CHD9: variants seen among roughly 807,000 people sequenced by gnomAD.
CHD9 encodes chromodomain helicase DNA binding protein 9.
CHD9 carries 77 observed loss-of-function variants against 316.1 expected under a neutral mutation model. The observed-to-expected ratio is 0.24, with a 90% CI of 0.20 to 0.29. CHD9 has a LOEUF of 0.29. Among genes scored for constraint, CHD9 ranks in the 10% least tolerant of loss-of-function variants. The pLI, the probability that CHD9 is intolerant of heterozygous loss-of-function variation, is 1.00. For missense variants in CHD9, 2,763 were observed against 3,438.1 expected (o/e 0.80, Z 4.91); for synonymous variants, 1,129 against 1,158.3 (o/e 0.97, Z 0.51).
At chr16:53,208,694 A>G in intron 2 of CHD9, 4 of 989,340 alleles carry the variant, frequency 4.0e-6, no homozygotes, top group Non-Finnish European at 4.8e-6. Context: ...TGGTATAGTC[A>G]GAGGCATGTT....
chr16:53,196,628 A>G (rs1426010441), intron 2 of CHD9, among the ~76,000 whole-genome samples: 2 of 152,258 alleles, frequency 1.3e-5, no homozygotes, highest in African/African-American at 4.8e-5. Context: ...TAGATGACAT[A>G]GTAATGAGAA....
intron 15 of CHD9, 109 bp from the exon 16 acceptor site, chr16:53,247,184 A>G (rs2049710444): frequency 4.0e-6 from 3 of 751,030 alleles, no homozygotes; most frequent in Non-Finnish European, 6.5e-6. Flanking sequence ...TGCCATTAGA[A>G]AATTATGTTA....
intron 1 of CHD9, among the ~76,000 whole-genome samples, chr16:53,084,760 A>G (rs1043054916): frequency 2.0e-5 from 3 of 152,162 alleles, no homozygotes; most frequent in Admixed American, 6.5e-5. Flanking sequence ...AACAGCAACA[A>G]CAAAATCACA....
At chr16:53,104,471 AT>A (rs1480840520) in intron 1 of CHD9, among the ~76,000 whole-genome samples, 1 of 152,164 alleles carries the variant, frequency 6.6e-6, no homozygotes, top group African/African-American at 2.4e-5. Context: ...TTGTTAAATT[AT>A]TTTTTTATTT....
At chr16:53,112,390 G>A (rs894451192) in intron 1 of CHD9, among the ~76,000 whole-genome samples, 3 of 152,180 alleles carry the variant, frequency 2.0e-5, no homozygotes, top group African/African-American at 7.2e-5. Flanking sequence ...GTTTTTCAAT[G>A]TTATTCCTGG....
chr16:53,184,271 G>T (rs1486098066), intron 2 of CHD9, among the ~76,000 whole-genome samples: 1 of 152,154 alleles, frequency 6.6e-6, no homozygotes, highest in Non-Finnish European at 1.5e-5. Context: ...AAAAGAGATA[G>T]ATATGGCACT....
intron 1 of CHD9, among the ~76,000 whole-genome samples, chr16:53,109,587 G>T (rs993924679): frequency 2.0e-5 from 3 of 151,184 alleles, no homozygotes; most frequent in African/African-American, 7.3e-5. Flanking sequence ...CACCTGCCTT[G>T]GCCTCCCAAA....
In CHD9 at chr16:53,281,319, A is replaced by G. The variant is rs1042178363; in HGVS notation, c.4968-4277A>G. On this transcript the variant is annotated intron_variant, in intron 24 of 38. Transcript: ENST00000447540. ...ACAAGCCTTCTCCATCCTAGTAAATATACAACCCATTGCTCTGTTGTTATT... is the reference window on the plus strand; with the variant it reads ...ACAAGCCTTCTCCATCCTAGTAAATGTACAACCCATTGCTCTGTTGTTATT... Among the ~76,000 whole-genome samples the G allele has an allele frequency of 8.1e-4, 123 of 152,080 alleles. 2 individuals carry two copies. The highest frequency in any genetic ancestry group is 1.2e-3 in the Admixed American group (18 of 15,246).
chr16:53,320,745 A>G (rs2153114241), intron 37 of CHD9, among the ~76,000 whole-genome samples: 1 of 152,266 alleles, frequency 6.6e-6, no homozygotes, highest in South Asian at 2.1e-4. Context: ...TCTGTGTCAT[A>G]TTATTACATT....
chr16:53,247,167 A>G, intron 15 of CHD9, 126 bp from the exon 16 acceptor site: 2 of 659,146 alleles, frequency 3.0e-6, no homozygotes, highest in Non-Finnish European at 5.2e-6. Flanking sequence ...AATAAAAGCA[A>G]TGTACATGCC....
chr16:53,070,894 C>G (rs2033990442), intron 1 of CHD9, among the ~76,000 whole-genome samples: 1 of 152,162 alleles, frequency 6.6e-6, no homozygotes, highest in South Asian at 2.1e-4. Flanking sequence ...GCTTTGATTA[C>G]TGTAGCTTTG....
chr16:53,182,044 A>C (rs1415853552), intron 2 of CHD9, among the ~76,000 whole-genome samples: 5 of 152,020 alleles, frequency 3.3e-5, no homozygotes, highest in Non-Finnish European at 7.4e-5. Flanking sequence ...GCACCGCTGC[A>C]CTCCAGCCTG....
chr16:53,181,148 T>C lies in CHD9; in HGVS notation c.1452+23607T>C, dbSNP rs368455502. Among the ~76,000 whole-genome samples, 6 of 151,534 alleles carry C rather than the reference T, an allele frequency of 4.0e-5. No homozygotes were observed. The South Asian group carries it at 8.4e-4, about 21-fold the overall frequency. On this transcript the variant is annotated intron_variant, in intron 2 of 38. Coordinates refer to ENST00000447540, the MANE Select transcript of CHD9 (RefSeq NM_001308319.2). The stretch of plus-strand genomic sequence containing the variant: ...GCCTCAGCCTCCCGAGTAGCTGGGA[T>C]TACAGGCATGTGCCACCACGCCTGG...
chr16:53,169,194 A>ATATC (rs2042497632), intron 2 of CHD9: 1 of 152,320 alleles, frequency 6.6e-6, no homozygotes, highest in Non-Finnish European at 1.5e-5. Context: ...TGGGTGACAG[A>ATATC]TGAGACCCTG....
chr16:53,120,190 C>T lies in CHD9; in HGVS notation c.-164-35736C>T, dbSNP rs947754212. 8.5e-5 allele frequency among the ~76,000 whole-genome samples: 13 copies of T among 152,078 alleles called. 1 individual carries two copies. Among genetic ancestry groups the T allele is most frequent in the Admixed American group, 5.9e-4 (9 of 15,258 alleles). On this transcript the variant is annotated intron_variant, in intron 1 of 38. Coordinates refer to ENST00000447540, the MANE Select transcript of CHD9 (RefSeq NM_001308319.2). ...GAGGTTGCAACAAACTATGATTGCA[C>T]CACTGCTCTCTAACCTGGGCAACAG...
intron 1 of CHD9, among the ~76,000 whole-genome samples, chr16:53,082,986 C>T (rs750171624): frequency 6.6e-6 from 1 of 152,204 alleles, no homozygotes; most frequent in African/African-American, 2.4e-5. Context: ...CCCCTGAGGA[C>T]TATGATTGTG....
chr16:53,065,506 G>A (rs893656757), intron 1 of CHD9, among the ~76,000 whole-genome samples: 1 of 151,794 alleles, frequency 6.6e-6, no homozygotes, highest in African/African-American at 2.4e-5. Flanking sequence ...GTGTGGGCGA[G>A]CACCTGTAGT....
chr16:53,134,543 G>C (rs895045099), intron 1 of CHD9, among the ~76,000 whole-genome samples: 2 of 152,038 alleles, frequency 1.3e-5, no homozygotes, highest in South Asian at 2.1e-4. Context: ...GAATAAAATC[G>C]TATCTTGTCC....
At chr16:53,082,383 C>T (rs991424849) in intron 1 of CHD9, among the ~76,000 whole-genome samples, 4 of 152,044 alleles carry the variant, frequency 2.6e-5, no homozygotes, top group African/African-American at 4.8e-5. Flanking sequence ...GACTGCAGGC[C>T]TTTGCCGCCA....
Sources: gnomAD v4.1 joint callset for allele counts (sites outside exome capture counted in the v4.1 genomes callset) on GRCh38, gnomAD v4.1.1 for gene constraint, MANE v1.5 for transcripts, NCBI Gene and HGNC (gene_info 2026-07-23, HGNC 2026-07-21) for gene names.